Variants in AGBL4 observed in about 807,000 individuals in gnomAD.
AGBL4 encodes the protein AGBL carboxypeptidase 4, also known as cytosolic carboxypeptidase 6.
In AGBL4, 58 loss-of-function variants were observed where a neutral mutation model predicts 66.4. The ratio of observed to expected loss-of-function variants is 0.87; its 90% CI spans 0.71 to 1.09. The LOEUF is 1.09. Ranked by LOEUF, AGBL4 falls within the 50% of genes least tolerant of loss-of-function variation. AGBL4 has a pLI of 0.00. For synonymous variants in AGBL4, 234 were observed against 222.9 expected, an observed-to-expected ratio of 1.05 and a Z score of -0.44; for missense variants, 579 against 631.0, an observed-to-expected ratio of 0.92 and a Z score of 0.88.
intron 5 of AGBL4, among the ~76,000 whole-genome samples, chr1:48,930,322 T>A (rs144407831): frequency 4.9e-4 from 75 of 152,214 alleles, no homozygotes; most frequent in African/African-American, 1.8e-3. Context: ...AACTCTTTTC[T>A]CTCTGTTCCT....
At chr1:49,319,273 C>A (rs1645091463) in intron 3 of AGBL4, among the ~76,000 whole-genome samples, 1 of 152,074 alleles carries the variant, frequency 6.6e-6, no homozygotes, top group Non-Finnish European at 1.5e-5. Context: ...CTATTTGACC[C>A]AGAAGACTTT....
chr1:49,341,693 G>A (rs1191788748), intron 3 of AGBL4, among the ~76,000 whole-genome samples: 7 of 152,140 alleles, frequency 4.6e-5, no homozygotes, highest in African/African-American at 1.2e-4. Flanking sequence ...ATCATAGGAC[G>A]TGAGAAACTT....
intron 4 of AGBL4, among the ~76,000 whole-genome samples, chr1:49,091,435 A>G (rs1488583618): frequency 6.6e-6 from 1 of 151,994 alleles, no homozygotes; most frequent in Non-Finnish European, 1.5e-5. Flanking sequence ...GAAGCATACA[A>G]AAAATGCTGA....
chr1:49,847,498 C>T (rs1169022761), intron 2 of AGBL4, among the ~76,000 whole-genome samples: 1 of 152,088 alleles, frequency 6.6e-6, no homozygotes, highest in Admixed American at 6.5e-5. Flanking sequence ...GAGAAAATAT[C>T]TGCACACTAT....
chr1:48,961,020 T>C (rs1421087970), intron 5 of AGBL4, among the ~76,000 whole-genome samples: 1 of 152,158 alleles, frequency 6.6e-6, no homozygotes, highest in Non-Finnish European at 1.5e-5. Context: ...ATCTGGGATA[T>C]GAGGACAGAG....
At chr1:49,120,603 C>T (rs1189099140) in intron 4 of AGBL4, among the ~76,000 whole-genome samples, 21 of 152,146 alleles carry the variant, frequency 1.4e-4, no homozygotes. Flanking sequence ...AGTTACCTGA[C>T]CTTTCTCTCT....
intron 4 of AGBL4, among the ~76,000 whole-genome samples, chr1:49,063,613 G>A (rs1040990549): frequency 6.6e-6 from 1 of 152,126 alleles, no homozygotes; most frequent in Non-Finnish European, 1.5e-5. Flanking sequence ...TTTTATGGGC[G>A]AGAACAAATA....
chr1:48,693,421 C>G (rs1054742194), intron 6 of AGBL4, among the ~76,000 whole-genome samples: 4 of 152,234 alleles, frequency 2.6e-5, no homozygotes, highest in African/African-American at 9.6e-5. Flanking sequence ...TGACCCATGG[C>G]TGACCTGCTT....
intron 3 of AGBL4, among the ~76,000 whole-genome samples, chr1:49,550,512 T>A (rs955397165): frequency 1.3e-5 from 2 of 152,244 alleles, no homozygotes; most frequent in African/African-American, 2.4e-5. Flanking sequence ...GCGAATTCTC[T>A]CAGTATTTGT....
At chr1:49,147,466 C>T (rs1646240235) in intron 4 of AGBL4, among the ~76,000 whole-genome samples, 1 of 152,076 alleles carries the variant, frequency 6.6e-6, no homozygotes, top group African/African-American at 2.4e-5. Flanking sequence ...CTTATCTACT[C>T]CAAATTTCCT....
intron 2 of AGBL4, among the ~76,000 whole-genome samples, chr1:49,837,280 G>T (rs1027082778): frequency 2.6e-5 from 4 of 152,194 alleles, no homozygotes; most frequent in Admixed American, 2.6e-4. Context: ...TAGAGATGCA[G>T]TCTGGCTATA....
intron 1 of AGBL4, among the ~76,000 whole-genome samples, chr1:49,888,728 G>T (rs1648326762): frequency 6.6e-6 from 1 of 152,154 alleles, no homozygotes; most frequent in Non-Finnish European, 1.5e-5. Context: ...ACCCAACAGT[G>T]AAATAAGACC....
chr1:48,658,092 T>C (rs1239136291), intron 7 of AGBL4, among the ~76,000 whole-genome samples: 1 of 152,172 alleles, frequency 6.6e-6, no homozygotes, highest in African/African-American at 2.4e-5. Flanking sequence ...TGACTTGTAA[T>C]TCTATTGGCT....
intron 3 of AGBL4, among the ~76,000 whole-genome samples, chr1:49,626,106 G>A (rs994470957): frequency 2.0e-5 from 3 of 152,128 alleles, no homozygotes; most frequent in Admixed American, 6.5e-5. Context: ...TGTGGTTCCT[G>A]GATCCATATA....
intron 4 of AGBL4, among the ~76,000 whole-genome samples, chr1:49,199,765 G>A (rs898586448): frequency 3.3e-5 from 5 of 152,112 alleles, no homozygotes; most frequent in Admixed American, 6.6e-5. Context: ...ATTTAACCAT[G>A]ATGTTCAACT....
intron 3 of AGBL4, among the ~76,000 whole-genome samples, chr1:49,352,845 A>G (rs1028345852): frequency 4.6e-5 from 7 of 152,226 alleles, no homozygotes; most frequent in Non-Finnish European, 5.9e-5. Flanking sequence ...TGAGGCTAAG[A>G]AAAGTTAACA....
At chr1:48,799,869 T>C (rs1570701600) in intron 6 of AGBL4, among the ~76,000 whole-genome samples, 1 of 152,286 alleles carries the variant, frequency 6.6e-6, no homozygotes. Flanking sequence ...TGATGTATTG[T>C]CTTTTTGATA....
In AGBL4 at chr1:49,267,715, TAAAG is replaced by T. The variant is rs902856123; in HGVS notation, c.283-21855_283-21852del. 2.1e-4 allele frequency among the ~76,000 whole-genome samples: 32 copies of T among 151,972 alleles called. No individual in the cohort carries two copies. In the East Asian group the frequency reaches 4.5e-3, roughly 21 times the overall value. On this transcript the variant is annotated intron_variant, in intron 3 of 13. Coordinates refer to ENST00000371839, the MANE Select transcript of AGBL4 (RefSeq NM_032785.4). ...GACATACCCAAGACTGGGTAATTTA[TAAAG>T]AAAAAGAGGTTTAATGGACTCACAG...
chr1:49,997,115 T>A (rs1660425909), intron 1 of AGBL4, among the ~76,000 whole-genome samples: 1 of 152,014 alleles, frequency 6.6e-6, no homozygotes, highest in South Asian at 2.1e-4. Context: ...AAAGCATAAA[T>A]CTCACAGGAC....
Sources: gnomAD v4.1 joint callset for allele counts (sites outside exome capture counted in the v4.1 genomes callset) on GRCh38, gnomAD v4.1.1 for gene constraint, MANE v1.5 for transcripts, NCBI Gene and HGNC (gene_info 2026-07-23, HGNC 2026-07-21) for gene names.